Variants in DCN observed in about 807,000 individuals in gnomAD.
DCN encodes bone proteoglycan II.
In DCN, 17 loss-of-function variants were observed where a neutral mutation model predicts 36.5. The ratio of observed to expected loss-of-function variants is 0.47; its 90% CI spans 0.32 to 0.70. DCN has a LOEUF of 0.70. DCN is among the 30% of genes least tolerant of loss of function. The pLI is 0.04. For missense variants in DCN, 389 were observed against 430.1 expected (o/e 0.90, Z 0.84); for synonymous variants, 163 against 161.4 (o/e 1.01, Z -0.07).
At position 91,144,899 on chromosome 12, in the gene DCN, T is replaced by C. The variant is rs1032666102; in HGVS notation, c.*1159A>G. The C allele has an allele frequency of 6.6e-6, 1 of 152,244 alleles. No individual in the cohort carries two copies. The highest frequency in any genetic ancestry group is 1.5e-5 in the Non-Finnish European group (1 of 68,044). 9.4% of individuals were successfully genotyped at this position (152,244 alleles called of 1,614,324 possible). On this transcript the variant is annotated 3_prime_UTR_variant, in exon 8 of 8. Transcript: ENST00000052754. ...CACATATTTCTATGACAAAATTTAG[T>C]CCACCATATTTCAATTATTTGCTAT...
intron 3 of DCN, among the ~76,000 whole-genome samples, chr12:91,160,186 AC>A (rs1033193682): frequency 3.9e-5 from 6 of 152,256 alleles, no homozygotes; most frequent in African/African-American, 1.4e-4. Context: ...ACATTAACAA[AC>A]AAAAAATCAG....
intron 3 of DCN, among the ~76,000 whole-genome samples, chr12:91,163,710 T>C (rs1882310917): frequency 6.6e-6 from 1 of 152,142 alleles, no homozygotes; most frequent in African/African-American, 2.4e-5. Flanking sequence ...TGCATAATCC[T>C]AAAGATAAAG....
intron 7 of DCN, among the ~76,000 whole-genome samples, chr12:91,150,061 T>C (rs1219677321): frequency 6.6e-6 from 1 of 152,088 alleles, no homozygotes; most frequent in African/African-American, 2.4e-5. Flanking sequence ...AAGTAGATCC[T>C]AAAATTGATA....
intron 2 of DCN, among the ~76,000 whole-genome samples, chr12:91,173,406 G>A (rs1040091446): frequency 6.6e-5 from 10 of 152,092 alleles, no homozygotes; most frequent in Admixed American, 2.0e-4. Context: ...GGAGACAGAC[G>A]CTCCCTTTGA....
chr12:91,142,142 G>GAATGTT lies in DCN; in HGVS notation c.*3910_*3915dup, dbSNP rs1226528830. ...AATACATAAACAGATCCACTAGAAG[G>GAATGTT]AATGTTTTAGCAATAAGTGTGGAAA... On this transcript the variant is annotated 3_prime_UTR_variant, in exon 8 of 8. Transcript: ENST00000052754. 3 of 152,170 alleles carry GAATGTT rather than the reference G, an allele frequency of 2.0e-5. No individual in the cohort carries two copies. Among genetic ancestry groups the GAATGTT allele is most frequent in the African/African-American group, 7.2e-5 (3 of 41,430 alleles). 9.4% of individuals were successfully genotyped at this position (152,170 alleles called of 1,614,324 possible). A position where few individuals can be genotyped will look rare whatever the true frequency, so the allele number is the denominator to read the frequency against.
At chr12:91,164,245 T>C (rs528025707) in intron 3 of DCN, among the ~76,000 whole-genome samples, 7 of 151,606 alleles carry the variant, frequency 4.6e-5, no homozygotes, top group East Asian at 3.9e-4. Flanking sequence ...AGGGATAGCA[T>C]TGGGAGATAT....
rs531936625 is a variant in DCN at position 91,171,032 on chromosome 12, C to T, written c.212-6315G>A. On this transcript the variant is annotated intron_variant, in intron 2 of 7. Transcript: ENST00000052754. ...GATACTGATGAATTTTATGGTTATTCATAAAATGATATAAAAAGTAAAATG... is the reference window on the plus strand; with the variant it reads ...GATACTGATGAATTTTATGGTTATTTATAAAATGATATAAAAAGTAAAATG... Among the ~76,000 whole-genome samples, 233 of 152,008 alleles carry T rather than the reference C, an allele frequency of 1.5e-3. 1 individual carries two copies. Among genetic ancestry groups the T allele is most frequent in the African/African-American group, 5.5e-3 (226 of 41,462 alleles).
Position 91,164,685 on chromosome 12 carries a change from C to T in DCN, c.244G>A (p.Asp82Asn), listed in dbSNP as rs1280626908. 6.2e-7 allele frequency: 1 copy of T among 1,612,086 alleles called. No homozygotes were observed. Among genetic ancestry groups the T allele is most frequent in the Non-Finnish European group, 8.5e-7 (1 of 1,178,248 alleles). Residue 82 changes from aspartate to asparagine, a missense_variant, in exon 3 of 8, where the codon GAC becomes AAC. Asp to Asn is a conservative substitution (Grantham distance 23). Coordinates refer to ENST00000052754, the MANE Select transcript of DCN (RefSeq NM_001920.5). Reference protein sequence around the residue: ...LDKVPKDLPPDTTLLDLQNNK... With the variant: ...LDKVPKDLPPNTTLLDLQNNK... ...TTTTGCAGGTCTAGCAGAGTTGTGT[C>T]AGGGGGAAGATCCTTTGGCACTTTG...
intron 1 of DCN, 39 bp from the exon 2 acceptor site, chr12:91,178,624 C>A: frequency 7.9e-7 from 1 of 1,269,702 alleles, no homozygotes; most frequent in Non-Finnish European, 1.2e-6. Flanking sequence ...AGTAGCACTG[C>A]CTAATCTGTG....
intron 2 of DCN, 106 bp downstream of exon 2, chr12:91,178,236 C>T: frequency 9.9e-7 from 1 of 1,012,858 alleles, no homozygotes; most frequent in Non-Finnish European, 1.6e-6. Flanking sequence ...GTGGCACTGT[C>T]TCTCAAATTT....
chr12:91,173,854 A>G (rs1306635987), intron 2 of DCN, among the ~76,000 whole-genome samples: 1 of 152,242 alleles, frequency 6.6e-6, no homozygotes, highest in Non-Finnish European at 1.5e-5. Context: ...CTGTAGTACA[A>G]TATGTCCCAA....
chr12:91,154,928 G>T (rs756278355), intron 5 of DCN, among the ~76,000 whole-genome samples: 5 of 152,058 alleles, frequency 3.3e-5, no homozygotes, highest in Non-Finnish European at 7.4e-5. Flanking sequence ...AAATGACTGA[G>T]TTAGGTCTCT....
chr12:91,166,080 G>A lies in DCN; in HGVS notation c.212-1363C>T, dbSNP rs3138216. ...TTCTTCCATGAAAGTTACAGAAAAC[G>A]TACCTGAAGCTACCTATTTCTGAGT... On this transcript the variant is annotated intron_variant, in intron 2 of 7. Transcript: ENST00000052754. Among the ~76,000 whole-genome samples, 1,009 of 152,138 alleles carry A rather than the reference G, an allele frequency of 6.6e-3. 12 individuals are homozygous for A. The highest frequency in any genetic ancestry group is 0.024 in the African/African-American group (979 of 41,506).
chr12:91,160,397 C>A (rs1179149065), intron 3 of DCN, among the ~76,000 whole-genome samples: 5 of 151,816 alleles, frequency 3.3e-5, no homozygotes, highest in Non-Finnish European at 7.4e-5. Flanking sequence ...TAAAACCTGA[C>A]TTTTAATATG....
At chr12:91,153,676 A>G (rs1169282892) in intron 5 of DCN, among the ~76,000 whole-genome samples, 5 of 152,144 alleles carry the variant, frequency 3.3e-5, no homozygotes, top group African/African-American at 1.2e-4. Context: ...TGCTGGTCTT[A>G]GCCTTAATTG....
chr12:91,150,171 C>T (rs1881310926), intron 7 of DCN, among the ~76,000 whole-genome samples: 1 of 152,026 alleles, frequency 6.6e-6, no homozygotes, highest in Non-Finnish European at 1.5e-5. Context: ...TCAAAAGCTA[C>T]AGTAATTGAA....
In DCN at chr12:91,169,396, A is replaced by AAAAAT. The variant is rs1565785739; in HGVS notation, c.212-4680_212-4679insATTTT. The stretch of plus-strand genomic sequence containing the variant: ...ATCCTGTCAAAAAAAAAAAAAAAAA[A>AAAAAT]AAAAACCAAAAAACAGAAGCTATTT... On this transcript the variant is annotated intron_variant, in intron 2 of 7. Coordinates refer to ENST00000052754, the MANE Select transcript of DCN (RefSeq NM_001920.5). Among the ~76,000 whole-genome samples the AAAAAT allele has an allele frequency of 2.0e-5, 3 of 151,318 alleles. No individual in the cohort carries two copies. The East Asian group carries it at 5.8e-4, about 29-fold the overall frequency.
At position 91,145,293 on chromosome 12, in the gene DCN, G is replaced by A. The variant is rs1337082273; in HGVS notation, c.*765C>T. On this transcript the variant is annotated 3_prime_UTR_variant, in exon 8 of 8. Coordinates refer to ENST00000052754, the MANE Select transcript of DCN (RefSeq NM_001920.5). ...GTTTTAATATTTATTTAGCAGAGGGGTAAATTGAAACATCAGTTCTCTAGA... is the reference window on the plus strand; with the variant it reads ...GTTTTAATATTTATTTAGCAGAGGGATAAATTGAAACATCAGTTCTCTAGA... 1.3e-5 allele frequency: 2 copies of A among 152,164 alleles called. No homozygotes were observed. The highest frequency in any genetic ancestry group is 6.5e-5 in the Admixed American group (1 of 15,278). 9.4% of individuals were successfully genotyped at this position (152,164 alleles called of 1,614,324 possible).
At chr12:91,159,731 G>A (rs1882040739) in intron 3 of DCN, among the ~76,000 whole-genome samples, 1 of 151,518 alleles carries the variant, frequency 6.6e-6, no homozygotes, top group South Asian at 2.1e-4. Context: ...ACAATTGCTA[G>A]GCCTATTTTT....
Sources: allele counts gnomAD v4.1 joint callset (sites outside exome capture counted in the v4.1 genomes callset), GRCh38; gene constraint gnomAD v4.1.1; transcripts MANE v1.5; gene names NCBI Gene and HGNC (gene_info 2026-07-23, HGNC 2026-07-21).